The following DNAH3 variants were observed in gnomAD, a reference collection of about 807,000 sequenced individuals.
DNAH3 encodes the protein axonemal beta dynein heavy chain 3.
A neutral mutation model predicts 432.5 loss-of-function variants in DNAH3; 332 were observed. That is an observed-to-expected ratio of 0.77 (90% CI 0.70 to 0.84). The LOEUF is 0.84. DNAH3 is among the 40% of genes least tolerant of loss of function. DNAH3 has a pLI of 0.00. For synonymous variants in DNAH3, 1,956 were observed against 1,900.2 expected, an observed-to-expected ratio of 1.03 and a Z score of -0.76; for missense variants, 4,861 against 5,114.0, an observed-to-expected ratio of 0.95 and a Z score of 1.51.
intron 51 of DNAH3, among the ~76,000 whole-genome samples, chr16:20,974,950 C>G (rs2085514894): frequency 6.7e-6 from 1 of 149,994 alleles, no homozygotes; most frequent in South Asian, 2.1e-4. Flanking sequence ...TCCTGAGTAG[C>G]TCGGATTACA....
At position 21,136,524 on chromosome 16, in the gene DNAH3, C is replaced by T. The variant is rs774864898; in HGVS notation, c.697-11G>A. ...ATAGTAATAGTATCTCTTCCATAAACAAACCACCAGCGAGAAAATGGTCAT... is the reference window on the plus strand; with the variant it reads ...ATAGTAATAGTATCTCTTCCATAAATAAACCACCAGCGAGAAAATGGTCAT... On this transcript the variant is annotated splice_polypyrimidine_tract_variant and intron_variant, in intron 5 of 61. Transcript: ENST00000261383. 3 of 1,613,472 alleles carry T rather than the reference C, an allele frequency of 1.9e-6. No individual in the cohort carries two copies. The highest frequency in any genetic ancestry group is 1.1e-5 in the South Asian group (1 of 91,084).
chr16:21,128,987 G>A (rs1001381185), intron 7 of DNAH3, among the ~76,000 whole-genome samples: 5 of 151,940 alleles, frequency 3.3e-5, no homozygotes, highest in Admixed American at 1.3e-4. Flanking sequence ...TCTCCACTAC[G>A]AGGGGTATCC....
intron 31 of DNAH3, among the ~76,000 whole-genome samples, chr16:21,045,493 T>C (rs2152737947): frequency 6.7e-6 from 1 of 150,296 alleles, no homozygotes; most frequent in Admixed American, 6.6e-5. Flanking sequence ...TGATGGTAGT[T>C]TGTATTTCTG....
chr16:21,021,869 C>T (rs1373264651), intron 40 of DNAH3, 102 bp downstream of exon 40: 2 of 1,421,916 alleles, frequency 1.4e-6, no homozygotes, highest in Non-Finnish European at 9.5e-7. Context: ...TGCCACTGCA[C>T]TCTAGCCTTG....
At chr16:20,940,910 A>C (rs1596870782) in intron 59 of DNAH3, among the ~76,000 whole-genome samples, 1 of 152,096 alleles carries the variant, frequency 6.6e-6, no homozygotes, top group South Asian at 2.1e-4. Flanking sequence ...CCTGGCCAAC[A>C]TGTCAAAACT....
rs765871287 is a variant in DNAH3 at position 21,121,926 on chromosome 16, G to A, written c.1584+19C>T. 5.1e-6 allele frequency: 8 copies of A among 1,571,492 alleles called. No individual in the cohort carries two copies. The Admixed American group carries it at 1.3e-4, about 26-fold the overall frequency. On this transcript the variant is annotated intron_variant, in intron 10 of 61. Coordinates refer to ENST00000261383, the Ensembl canonical transcript of DNAH3. ...AAGTGAAAAAATCATGCAAATGAAT[G>A]ATTAAGTGACTACTATACCTTGGGG...
In DNAH3 at chr16:21,134,260, C is replaced by A. The variant is rs1342053274; in HGVS notation, c.1081G>T (p.Glu361Ter). 5 of 1,608,776 alleles carry A rather than the reference C, an allele frequency of 3.1e-6. No homozygotes were observed. The highest frequency in any genetic ancestry group is 4.2e-6 in the Non-Finnish European group (5 of 1,178,120). The stretch of plus-strand genomic sequence containing the variant: ...AAAAAAAAGGGAGGGACTTCTTACT[C>A]TGCAAACCACAGTTCTTTCAGCCTG... The change falls in exon 7 of 62, where the codon GAA (glutamate) becomes TAA (stop). Residue 361 changes from glutamate (E) to a stop codon, truncating the protein, a stop_gained and splice_region_variant. Transcript: ENST00000261383. LOFTEE classifies it high-confidence loss of function.
chr16:21,042,029 T>C, exon 32 of DNAH3: 1 of 1,609,516 alleles, frequency 6.2e-7, no homozygotes, highest in Non-Finnish European at 8.5e-7. Flanking sequence ...GCATTTACCT[T>C]GAGATTGTCG....
At chr16:21,113,550 C>A (rs1050116479) in intron 12 of DNAH3, among the ~76,000 whole-genome samples, 5 of 152,166 alleles carry the variant, frequency 3.3e-5, no homozygotes, top group African/African-American at 1.2e-4. Flanking sequence ...TCTCCTCCTC[C>A]CAGCTTCAAG....
chr16:20,961,805 C>A (rs1406140600), intron 53 of DNAH3, among the ~76,000 whole-genome samples: 1 of 146,830 alleles, frequency 6.8e-6, no homozygotes, highest in Non-Finnish European at 1.5e-5. Flanking sequence ...TCTTGTTGCC[C>A]AGGCTGGAGT....
At chr16:21,052,974 T>TAA (rs899789683) in intron 28 of DNAH3, among the ~76,000 whole-genome samples, 5 of 152,204 alleles carry the variant, frequency 3.3e-5, no homozygotes, top group African/African-American at 1.2e-4. Context: ...CATGGGAACG[T>TAA]AAGCCCTGAT....
At chr16:21,123,279 A>G (rs765640571) in intron 9 of DNAH3, among the ~76,000 whole-genome samples, 89 of 152,236 alleles carry the variant, frequency 5.8e-4, no homozygotes, top group Non-Finnish European at 7.8e-4. Flanking sequence ...CATAAACTAC[A>G]GCGCCTAATG....
At chr16:21,131,370 GAGGAAGGAAGGAAGGA>G (rs200848913) in intron 7 of DNAH3, among the ~76,000 whole-genome samples, 1 of 149,904 alleles carries the variant, frequency 6.7e-6, no homozygotes, top group African/African-American at 2.5e-5. Context: ...CAGGGTCACA[GAGGAAGGAAGGAAGGA>G]AGGAAGGAAG....
exon 57 of DNAH3, chr16:20,948,591 A>G (rs766730759): frequency 6.2e-7 from 1 of 1,614,120 alleles, no homozygotes; most frequent in South Asian, 1.1e-5. Context: ...ACAGCAGGAG[A>G]CGCCGGTCTT....
At chr16:20,971,167 C>T (rs542120544) in intron 51 of DNAH3, among the ~76,000 whole-genome samples, 4 of 152,072 alleles carry the variant, frequency 2.6e-5, no homozygotes, top group East Asian at 1.9e-4. Flanking sequence ...TGTGCTCAGC[C>T]GTACTTCTGA....
At chr16:21,010,562 T>C (rs972488095) in intron 41 of DNAH3, among the ~76,000 whole-genome samples, 6 of 152,166 alleles carry the variant, frequency 3.9e-5, no homozygotes, top group Non-Finnish European at 5.9e-5. Flanking sequence ...CTTTCCTTAG[T>C]GTATGCTTCC....
chr16:20,945,903 C>T (rs908030064), intron 57 of DNAH3, among the ~76,000 whole-genome samples: 2 of 152,156 alleles, frequency 1.3e-5, no homozygotes, highest in East Asian at 1.9e-4. Flanking sequence ...GACCCCCTTC[C>T]GATAATAAAA....
At chr16:20,945,570 A>G (rs2084008187) in intron 57 of DNAH3, among the ~76,000 whole-genome samples, 1 of 151,172 alleles carries the variant, frequency 6.6e-6, no homozygotes, top group African/African-American at 2.4e-5. Context: ...GGCTCACTGT[A>G]ACCTCCGCCT....
chr16:21,132,898 CT>C (rs397735231), intron 7 of DNAH3, among the ~76,000 whole-genome samples: 1 of 151,046 alleles, frequency 6.6e-6, no homozygotes, highest in African/African-American at 2.4e-5. Context: ...GGATATCTCA[CT>C]TTTTTTTAAA....
Sources: allele counts gnomAD v4.1 joint callset (sites outside exome capture counted in the v4.1 genomes callset), GRCh38; gene constraint gnomAD v4.1.1; transcripts MANE v1.5; gene names NCBI Gene and HGNC (gene_info 2026-07-23, HGNC 2026-07-21).